Variants in SRD5A3 observed in about 807,000 individuals in gnomAD.
SRD5A3 encodes steroid 5 alpha-reductase 3.
SRD5A3 carries 24 observed loss-of-function variants against 34.3 expected under a neutral mutation model. The ratio of observed to expected loss-of-function variants is 0.70; its 90% CI spans 0.51 to 0.99. SRD5A3 has a LOEUF of 0.99. Among genes scored for constraint, SRD5A3 ranks in the 50% least tolerant of loss-of-function variants. The pLI is 0.00. For synonymous variants in SRD5A3, 161 were observed against 167.3 expected (o/e 0.96, Z 0.29); for missense variants, 350 against 388.2 (o/e 0.90, Z 0.83).
intron 2 of SRD5A3, among the ~76,000 whole-genome samples, chr4:55,362,862 A>C (rs746572979): frequency 7.0e-6 from 1 of 141,956 alleles, no homozygotes; most frequent in East Asian, 2.1e-4. Context: ...TTTTTTTTTA[A>C]TGGAGACAGA....
At chr4:55,350,692 C>T (rs377391547) in intron 1 of SRD5A3, among the ~76,000 whole-genome samples, 3 of 151,074 alleles carry the variant, frequency 2.0e-5, no homozygotes, top group Admixed American at 6.6e-5. Flanking sequence ...CACTGTATAA[C>T]GTAAATCAAA....
At chr4:55,363,779 C>T (rs1408893876) in intron 2 of SRD5A3, among the ~76,000 whole-genome samples, 1 of 152,112 alleles carries the variant, frequency 6.6e-6, no homozygotes, top group Non-Finnish European at 1.5e-5. Context: ...ACCAGAAACC[C>T]ACAGACCTCT....
chr4:55,366,019 G>C (rs1053349673), intron 3 of SRD5A3, among the ~76,000 whole-genome samples: 1 of 152,200 alleles, frequency 6.6e-6, no homozygotes, highest in Non-Finnish European at 1.5e-5. Context: ...AGCTCTATAA[G>C]GACTGGGATC....
intron 3 of SRD5A3, 191 bp downstream of exon 3, chr4:55,364,462 C>T (rs1161333444): frequency 1.6e-6 from 1 of 642,046 alleles, no homozygotes; most frequent in South Asian, 1.8e-5. Flanking sequence ...TGTAATCCCA[C>T]CACTTTGGGA....
intron 2 of SRD5A3, among the ~76,000 whole-genome samples, chr4:55,360,431 G>A (rs1719638957): frequency 1.3e-5 from 2 of 151,742 alleles, no homozygotes; most frequent in South Asian, 4.2e-4. Flanking sequence ...GCTTGAACCT[G>A]GGAGGCGGAG....
rs3034886 is a variant in SRD5A3, at chr4:55,370,431, TCACACACACACA to T, written c.*371_*382del. The T allele has an allele frequency of 0.25, 56,262 of 225,714 alleles. 5,971 individuals are homozygous for T. Among genetic ancestry groups the T allele is most frequent in the South Asian group, 0.34 (5,588 of 16,402 alleles). 14.0% of individuals were successfully genotyped at this position (225,714 alleles called of 1,614,324 possible). A position where few individuals can be genotyped will look rare whatever the true frequency, so the allele number is the denominator to read the frequency against. ...AAAAACCGAAAATATACAAACAGCT[TCACACACACACA>T]CACACACACACACACACACACACAC... On this transcript the variant is annotated 3_prime_UTR_variant, in exon 5 of 5. Transcript: ENST00000264228.
chr4:55,356,153 C>T (rs1001656078), intron 1 of SRD5A3, among the ~76,000 whole-genome samples: 3 of 151,678 alleles, frequency 2.0e-5, no homozygotes, highest in South Asian at 4.2e-4. Context: ...GGATTACAGG[C>T]GTGTGCCAGC....
intron 1 of SRD5A3, chr4:55,359,137 T>C (rs189124155): frequency 2.7e-4 from 158 of 594,982 alleles, no homozygotes; most frequent in African/African-American, 2.6e-3. Context: ...CAGAGAGGCC[T>C]CTTTTTCCTG....
intron 4 of SRD5A3, among the ~76,000 whole-genome samples, chr4:55,368,277 G>A (rs1719979199): frequency 6.6e-6 from 1 of 151,372 alleles, no homozygotes; most frequent in East Asian, 2.0e-4. Context: ...TACTTGGGAG[G>A]CTGAGGCACT....
intron 1 of SRD5A3, among the ~76,000 whole-genome samples, chr4:55,354,586 C>T (rs989529290): frequency 6.6e-6 from 1 of 152,182 alleles, no homozygotes; most frequent in Non-Finnish European, 1.5e-5. Flanking sequence ...CTCTTACCTG[C>T]ACTGCCTGTT....
intron 3 of SRD5A3, among the ~76,000 whole-genome samples, chr4:55,366,183 A>T (rs1228824270): frequency 6.6e-6 from 1 of 152,228 alleles, no homozygotes; most frequent in African/African-American, 2.4e-5. Context: ...TTCCTGCATT[A>T]TAATTCTGGC....
At chr4:55,354,634 A>G (rs940952144) in intron 1 of SRD5A3, among the ~76,000 whole-genome samples, 4 of 152,072 alleles carry the variant, frequency 2.6e-5, no homozygotes, top group African/African-American at 4.8e-5. Flanking sequence ...AGATAGCCAC[A>G]TGGTTTATCC....
intron 1 of SRD5A3, chr4:55,351,903 G>T: frequency 1.5e-6 from 1 of 667,006 alleles, no homozygotes; most frequent in Non-Finnish European, 2.9e-6. Context: ...AGGAATCTTA[G>T]GGATTCTTCT....
chr4:55,369,687 C>A, intron 4 of SRD5A3, 145 bp from the exon 5 acceptor site: 2 of 902,730 alleles, frequency 2.2e-6, no homozygotes, highest in Non-Finnish European at 1.7e-6. Flanking sequence ...GCCATGACTG[C>A]ACGACTGCAC....
chr4:55,356,876 A>G (rs1406210412), intron 1 of SRD5A3, among the ~76,000 whole-genome samples: 1 of 152,158 alleles, frequency 6.6e-6, no homozygotes, highest in Non-Finnish European at 1.5e-5. Flanking sequence ...GCTCCCCATT[A>G]TAAAAGCTAG....
intron 4 of SRD5A3, among the ~76,000 whole-genome samples, chr4:55,367,943 C>T (rs1444724650): frequency 6.6e-6 from 1 of 152,168 alleles, no homozygotes; most frequent in African/African-American, 2.4e-5. Context: ...TTCTGTGATT[C>T]TACGTTTTGT....
intron 2 of SRD5A3, among the ~76,000 whole-genome samples, chr4:55,362,445 A>AT (rs376917253): frequency 6.9e-6 from 1 of 145,958 alleles, no homozygotes; most frequent in African/African-American, 2.5e-5. Context: ...TGTTTGTTTC[A>AT]TTTTTTTCTT....
chr4:55,362,473 G>A (rs1334090562), intron 2 of SRD5A3, among the ~76,000 whole-genome samples: 3 of 151,690 alleles, frequency 2.0e-5, no homozygotes, highest in Non-Finnish European at 2.9e-5. Context: ...CTTTTTTTAA[G>A]AGAGAGGGTC....
chr4:55,348,603 T>G (rs990729403), intron 1 of SRD5A3, among the ~76,000 whole-genome samples: 1 of 152,242 alleles, frequency 6.6e-6, no homozygotes, highest in Non-Finnish European at 1.5e-5. Flanking sequence ...GGTTTATAAA[T>G]AGTAACCACC....
Sources: gnomAD v4.1 joint callset for allele counts (sites outside exome capture counted in the v4.1 genomes callset) on GRCh38, gnomAD v4.1.1 for gene constraint, MANE v1.5 for transcripts, NCBI Gene and HGNC (gene_info 2026-07-23, HGNC 2026-07-21) for gene names.